Variants in PHF14 observed in about 807,000 individuals in gnomAD.
PHF14 encodes the protein PHD finger protein 14.
A neutral mutation model predicts 117.9 loss-of-function variants in PHF14; 55 were observed. The ratio of observed to expected loss-of-function variants is 0.47; its 90% CI spans 0.38 to 0.58. The LOEUF (loss-of-function observed/expected upper bound fraction) is 0.58, where lower values mean the gene tolerates loss of function less well. Ranked by LOEUF, PHF14 falls within the 20% of genes least tolerant of loss-of-function variation. The pLI is 0.00. For synonymous variants in PHF14, 409 were observed against 368.6 expected, an observed-to-expected ratio of 1.11 and a Z score of -1.26; for missense variants, 978 against 1,122.2, an observed-to-expected ratio of 0.87 and a Z score of 1.84.
chr7:11,102,113 G>GA (rs34478682), intron 16 of PHF14, among the ~76,000 whole-genome samples: 2 of 151,558 alleles, frequency 1.3e-5, no homozygotes, highest in African/African-American at 4.8e-5. Context: ...CATATTTGAT[G>GA]AAAAAATAGC....
At chr7:11,026,774 A>T (rs1051909285) in intron 6 of PHF14, among the ~76,000 whole-genome samples, 2 of 151,732 alleles carry the variant, frequency 1.3e-5, no homozygotes, top group Non-Finnish European at 2.9e-5. Context: ...TTCTAAATTA[A>T]ATTTCACCTT....
At chr7:11,093,844 A>C (rs1295880245) in intron 16 of PHF14, among the ~76,000 whole-genome samples, 1 of 151,382 alleles carries the variant, frequency 6.6e-6, no homozygotes, top group Non-Finnish European at 1.5e-5. Context: ...TTTCCTTCTG[A>C]CTCTCAGGGG....
chr7:11,011,110 T>C (rs1438693300), intron 4 of PHF14, among the ~76,000 whole-genome samples: 1 of 152,240 alleles, frequency 6.6e-6, no homozygotes, highest in African/African-American at 2.4e-5. Context: ...TTATGATCTA[T>C]ATTTGGTAAG....
intron 16 of PHF14, among the ~76,000 whole-genome samples, chr7:11,099,950 T>C (rs987912548): frequency 2.0e-5 from 3 of 152,094 alleles, no homozygotes; most frequent in South Asian, 2.1e-4. Flanking sequence ...TGGCAGGAAC[T>C]ATTGACAATT....
intron 16 of PHF14, among the ~76,000 whole-genome samples, chr7:11,088,306 T>A (rs1677892787): frequency 6.6e-6 from 1 of 152,150 alleles, no homozygotes. Flanking sequence ...ATATTTTCCA[T>A]CCATGGTTGG....
At chr7:11,082,473 C>T (rs1227172940) in intron 16 of PHF14, among the ~76,000 whole-genome samples, 1 of 152,222 alleles carries the variant, frequency 6.6e-6, no homozygotes, top group Non-Finnish European at 1.5e-5. Context: ...TTTCTTCCCT[C>T]ACATTTTCAA....
At chr7:11,078,767 C>T (rs564323510) in intron 16 of PHF14, among the ~76,000 whole-genome samples, 22 of 152,020 alleles carry the variant, frequency 1.4e-4, no homozygotes, top group African/African-American at 5.1e-4. Flanking sequence ...TTAATTATAA[C>T]GCAGTCACTT....
intron 17 of PHF14, among the ~76,000 whole-genome samples, chr7:11,131,994 G>A (rs539522749): frequency 6.6e-6 from 1 of 151,558 alleles, no homozygotes; most frequent in Non-Finnish European, 1.5e-5. Flanking sequence ...TATATTTAAG[G>A]TATACAACAT....
intron 17 of PHF14, among the ~76,000 whole-genome samples, chr7:11,163,030 A>G (rs1238999134): frequency 6.6e-6 from 1 of 152,178 alleles, no homozygotes; most frequent in African/African-American, 2.4e-5. Context: ...CCCTTTTTCT[A>G]TCTTGCTATT....
chr7:11,034,312 A>G (rs1784233022), intron 7 of PHF14, among the ~76,000 whole-genome samples: 2 of 152,232 alleles, frequency 1.3e-5, no homozygotes, highest in South Asian at 2.1e-4. Flanking sequence ...TAAAGAATGA[A>G]CAGCCTGTTG....
chr7:11,102,052 T>C (rs796568705), intron 16 of PHF14, among the ~76,000 whole-genome samples: 2 of 151,888 alleles, frequency 1.3e-5, no homozygotes, highest in South Asian at 4.1e-4. Flanking sequence ...ACTGATCAGA[T>C]GTGCTTGTTT....
At chr7:11,163,143 AAAGGT>A (rs1789098464) in intron 17 of PHF14, among the ~76,000 whole-genome samples, 1 of 152,152 alleles carries the variant, frequency 6.6e-6, no homozygotes. Context: ...AATAGAGAAA[AAAGGT>A]AAGGTTTTTA....
intron 11 of PHF14, among the ~76,000 whole-genome samples, 188 bp downstream of exon 11, chr7:11,039,043 C>G (rs1463763085): frequency 6.6e-6 from 1 of 152,148 alleles, no homozygotes; most frequent in Non-Finnish European, 1.5e-5. Context: ...CTGAGAACCT[C>G]TAGTTTAATT....
At position 11,038,665 on chromosome 7, in the gene PHF14, A is replaced by C. The variant is rs958123578; in HGVS notation, c.1981-95A>C. On this transcript the variant is annotated intron_variant, in intron 10 of 17. Coordinates refer to ENST00000634607, the MANE Select transcript of PHF14 (RefSeq NM_001007157.2). The stretch of plus-strand genomic sequence containing the variant: ...GAGTGAGACTCTGTCTCAAAAAAAA[A>C]AAAAATTATATATATATATGTGGAA... The C allele has an allele frequency of 8.9e-5, 32 of 358,440 alleles. 1 individual carries two copies. Among genetic ancestry groups the C allele is most frequent in the Non-Finnish European group, 1.2e-4 (25 of 209,988 alleles). 22.2% of individuals were successfully genotyped at this position (358,440 alleles called of 1,614,324 possible). A position where few individuals can be genotyped will look rare whatever the true frequency, so the allele number is the denominator to read the frequency against.
In PHF14 at chr7:11,040,733, G is replaced by A; in HGVS notation, c.2138G>A (p.Gly713Glu). 6.4e-7 allele frequency: 1 copy of A among 1,568,398 alleles called. No individual in the cohort carries two copies. Among genetic ancestry groups the A allele is most frequent in the Non-Finnish European group, 8.7e-7 (1 of 1,155,554 alleles). The change falls in exon 12 of 18, where the codon GGA becomes GAA. Residue 713 changes from glycine to glutamate, a missense_variant. Transcript: ENST00000634607. The part of the protein sequence containing the change: ...PKERKPSKKE[G>E]GTQKTSTLPA... ...GAGAGAAAACCAAGTAAAAAAGAAG[G>A]AGGCACACAAAAGACATCTACTCTT...
At chr7:11,092,978 T>C (rs2906546) in intron 16 of PHF14, among the ~76,000 whole-genome samples, 72,456 of 151,944 alleles carry the variant, frequency 0.48, 17,896 homozygotes, top group East Asian at 0.85. Flanking sequence ...AAATAGCACT[T>C]TGTCTGTTGT....
At chr7:10,993,569 T>A (rs1361629650) in intron 4 of PHF14, among the ~76,000 whole-genome samples, 2 of 152,252 alleles carry the variant, frequency 1.3e-5, no homozygotes, top group Non-Finnish European at 2.9e-5. Flanking sequence ...TGGAACTTAA[T>A]GTCTGGACAG....
intron 17 of PHF14, among the ~76,000 whole-genome samples, chr7:11,152,275 C>G (rs1216229468): frequency 6.6e-6 from 1 of 152,044 alleles, no homozygotes; most frequent in Non-Finnish European, 1.5e-5. Context: ...AAAGGGAATA[C>G]TTTTTATAGT....
chr7:11,054,988 A>G (rs2128327656), intron 14 of PHF14, among the ~76,000 whole-genome samples: 1 of 152,156 alleles, frequency 6.6e-6, no homozygotes, highest in African/African-American at 2.4e-5. Flanking sequence ...GACATACCCC[A>G]AGCTCATGGA....
Sources: allele counts gnomAD v4.1 joint callset (sites outside exome capture counted in the v4.1 genomes callset), GRCh38; gene constraint gnomAD v4.1.1; transcripts MANE v1.5; gene names NCBI Gene and HGNC (gene_info 2026-07-23, HGNC 2026-07-21).